DENND1A: variants seen among roughly 807,000 people sequenced by gnomAD.
DENND1A encodes DENN domain-containing protein 1A.
DENND1A carries 51 observed loss-of-function variants against 113.7 expected under a neutral mutation model. The observed-to-expected ratio is 0.45, with a 90% confidence interval of 0.36 to 0.57. The LOEUF (loss-of-function observed/expected upper bound fraction) is 0.57, where lower values mean the gene tolerates loss of function less well. Among genes scored for constraint, DENND1A ranks in the 20% least tolerant of loss-of-function variants. The pLI, the probability that DENND1A is intolerant of heterozygous loss-of-function variation, is 0.00. For missense variants in DENND1A, 1,258 were observed against 1,395.9 expected (o/e 0.90, Z 1.57); for synonymous variants, 565 against 570.8 (o/e 0.99, Z 0.14).
intron 13 of DENND1A, among the ~76,000 whole-genome samples, chr9:123,526,171 GCACA>G (rs61059551): frequency 1.3e-5 from 2 of 150,810 alleles, no homozygotes; most frequent in East Asian, 2.0e-4. Flanking sequence ...CTGCACATGT[GCACA>G]CACACACACA....
chr9:123,755,326 T>G (rs2070440988), intron 5 of DENND1A, among the ~76,000 whole-genome samples: 1 of 151,032 alleles, frequency 6.6e-6, no homozygotes. Flanking sequence ...TTTTTTTCAG[T>G]AGAGATGGGG....
At chr9:123,522,922 A>T (rs777097471) in intron 13 of DENND1A, among the ~76,000 whole-genome samples, 7 of 152,178 alleles carry the variant, frequency 4.6e-5, no homozygotes, top group Non-Finnish European at 8.8e-5. Context: ...TCTTGAACAA[A>T]CACTTTAAGA....
intron 2 of DENND1A, among the ~76,000 whole-genome samples, chr9:123,826,849 T>C (rs1839404495): frequency 6.6e-6 from 1 of 152,196 alleles, no homozygotes; most frequent in South Asian, 2.1e-4. Flanking sequence ...ACTCTTCTTT[T>C]AAACTGATGA....
intron 12 of DENND1A, among the ~76,000 whole-genome samples, chr9:123,566,531 C>T (rs2058060464): frequency 6.6e-6 from 1 of 152,172 alleles, no homozygotes; most frequent in African/African-American, 2.4e-5. Flanking sequence ...CAGACAAAAG[C>T]ATCAATTATC....
At chr9:123,717,947 T>C (rs1358323091) in intron 5 of DENND1A, among the ~76,000 whole-genome samples, 2 of 152,198 alleles carry the variant, frequency 1.3e-5, no homozygotes, top group African/African-American at 4.8e-5. Flanking sequence ...AACTCTCCCA[T>C]CTGGTTTTCA....
intron 21 of DENND1A, among the ~76,000 whole-genome samples, chr9:123,392,318 T>C (rs1804707113): frequency 1.3e-5 from 2 of 152,168 alleles, no homozygotes; most frequent in Non-Finnish European, 2.9e-5. Context: ...AATGTAGATA[T>C]TTCAAATTTA....
chr9:123,816,579 T>C (rs2132531799), intron 2 of DENND1A, among the ~76,000 whole-genome samples: 1 of 152,330 alleles, frequency 6.6e-6, no homozygotes, highest in African/African-American at 2.4e-5. Context: ...ATTGGGAATG[T>C]TTGAAAGAAC....
chr9:123,529,083 A>G (rs1276124606), intron 13 of DENND1A, among the ~76,000 whole-genome samples: 4 of 152,128 alleles, frequency 2.6e-5, no homozygotes, highest in African/African-American at 7.2e-5. Flanking sequence ...TGTTTTCCTT[A>G]TAGGCCTGTG....
At chr9:123,501,268 GA>G (rs1386959259) in intron 13 of DENND1A, among the ~76,000 whole-genome samples, 1 of 152,174 alleles carries the variant, frequency 6.6e-6, no homozygotes, top group Non-Finnish European at 1.5e-5. Flanking sequence ...GCATGTGTCA[GA>G]ATTTCCTCTC....
chr9:123,589,660 A>C (rs536294036), intron 11 of DENND1A, among the ~76,000 whole-genome samples: 50 of 151,442 alleles, frequency 3.3e-4, no homozygotes, highest in Admixed American at 1.1e-3. Flanking sequence ...AAAAAAAAAA[A>C]AAAAAAAAAA....
chr9:123,568,825 G>A (rs951734541), intron 12 of DENND1A, among the ~76,000 whole-genome samples: 1 of 152,094 alleles, frequency 6.6e-6, no homozygotes, highest in Non-Finnish European at 1.5e-5. Flanking sequence ...CAGGAAGGGG[G>A]GTGGGAAGTG....
At chr9:123,417,829 C>G (rs994318955) in intron 19 of DENND1A, among the ~76,000 whole-genome samples, 2 of 151,976 alleles carry the variant, frequency 1.3e-5, no homozygotes, top group Non-Finnish European at 2.9e-5. Context: ...CTCACCAAGA[C>G]TCTGGTAGAG....
chr9:123,543,124 C>T (rs2056408857), intron 13 of DENND1A, among the ~76,000 whole-genome samples: 1 of 152,204 alleles, frequency 6.6e-6, no homozygotes, highest in Admixed American at 6.5e-5. Context: ...ATGTGCTTTC[C>T]TGTTTTTGAG....
chr9:123,807,426 C>T (rs1835782598), intron 2 of DENND1A, among the ~76,000 whole-genome samples: 1 of 151,850 alleles, frequency 6.6e-6, no homozygotes, highest in African/African-American at 2.4e-5. Flanking sequence ...ACTTTGGCAG[C>T]ATAATAAATG....
At chr9:123,694,641 A>G (rs770437883) in intron 5 of DENND1A, among the ~76,000 whole-genome samples, 1 of 152,222 alleles carries the variant, frequency 6.6e-6, no homozygotes, top group African/African-American at 2.4e-5. Context: ...ATAGTAGTGC[A>G]GTCGCTGTTT....
chr9:123,660,843 C>T (rs144894273), intron 8 of DENND1A, among the ~76,000 whole-genome samples: 2 of 152,334 alleles, frequency 1.3e-5, no homozygotes, highest in South Asian at 2.1e-4. Context: ...ATGTGACTAA[C>T]GAAGTGGTTT....
intron 5 of DENND1A, among the ~76,000 whole-genome samples, chr9:123,709,945 CAATGAATTAAG>C (rs1238250378): frequency 6.6e-6 from 1 of 152,192 alleles, no homozygotes; most frequent in Non-Finnish European, 1.5e-5. Context: ...AGTCACAACT[CAATGAATTAAG>C]AATTATCACT....
chr9:123,499,920 C>G (rs1377936215), intron 13 of DENND1A, among the ~76,000 whole-genome samples: 1 of 152,220 alleles, frequency 6.6e-6, no homozygotes, highest in Non-Finnish European at 1.5e-5. Context: ...GCACCCAGCA[C>G]AGAGCGAGCA....
intron 2 of DENND1A, among the ~76,000 whole-genome samples, chr9:123,856,578 C>T (rs1457644168): frequency 6.6e-6 from 1 of 152,010 alleles, no homozygotes; most frequent in African/African-American, 2.4e-5. Context: ...GCAGGGGCCA[C>T]CTGATAGGGT....
Sources: allele counts gnomAD v4.1 joint callset (sites outside exome capture counted in the v4.1 genomes callset), GRCh38; gene constraint gnomAD v4.1.1; transcripts MANE v1.5; gene names NCBI Gene and HGNC (gene_info 2026-07-23, HGNC 2026-07-21).